The following RTN3 variants were observed in gnomAD, a reference collection of about 807,000 sequenced individuals.
The protein encoded by RTN3 is reticulon 3.
RTN3 carries 49 observed loss-of-function variants against 77.8 expected under a neutral mutation model. The ratio of observed to expected loss-of-function variants is 0.63; its 90% confidence interval spans 0.50 to 0.80. The LOEUF (loss-of-function observed/expected upper bound fraction) is 0.80. Ranked by LOEUF, RTN3 falls within the 30% of genes least tolerant of loss-of-function variation. The pLI is 0.00. For synonymous variants in RTN3, 464 were observed against 446.9 expected (o/e 1.04, Z -0.48); for missense variants, 1,236 against 1,211.9 (o/e 1.02, Z -0.29).
intron 3 of RTN3, among the ~76,000 whole-genome samples, chr11:63,721,888 G>C (rs1041489383): frequency 1.3e-5 from 2 of 152,178 alleles, no homozygotes; most frequent in Admixed American, 1.3e-4. Context: ...TAGGTAACCA[G>C]TATTGTAGTA....
At chr11:63,752,958 C>T (rs2014182308) in intron 5 of RTN3, 111 bp from the exon 6 acceptor site, 2 of 1,048,164 alleles carry the variant, frequency 1.9e-6, no homozygotes, top group Non-Finnish European at 2.9e-6. Flanking sequence ...TTGTCCATGT[C>T]ACACATCACT....
rs556436415 is a variant in RTN3, at chr11:63,747,732, A to G, written c.2531-2259A>G. Among the ~76,000 whole-genome samples the G allele has an allele frequency of 1.3e-5, 2 of 152,336 alleles. 1 individual carries two copies. Among genetic ancestry groups the G allele is most frequent in the South Asian group, 4.1e-4 (2 of 4,826 alleles). Reference sequence around the variant, plus strand: ...AATCACACCCAGTTCATTTTATCGCAAATAAGTCTTTTCCGCTAACCTTAT... The same window carrying G: ...AATCACACCCAGTTCATTTTATCGCGAATAAGTCTTTTCCGCTAACCTTAT... On this transcript the variant is annotated intron_variant, in intron 3 of 8. Coordinates refer to ENST00000377819, the MANE Select transcript of RTN3 (RefSeq NM_001265589.2).
Position 63,724,443 on chromosome 11 carries a change from A to G in RTN3, c.2530+3411A>G, listed in dbSNP as rs2012074550. 2.0e-5 allele frequency among the ~76,000 whole-genome samples: 3 copies of G among 147,446 alleles called. No homozygotes were observed. In the Admixed American group the frequency reaches 2.1e-4, roughly 10 times the overall value. On this transcript the variant is annotated intron_variant, in intron 3 of 8. Coordinates refer to ENST00000377819, the MANE Select transcript of RTN3 (RefSeq NM_001265589.2). ...GGTGATCTGCCCACCTCGGCCTCCCAAAGTGCTGGGATTACAGGCGTGAGC... is the reference window on the plus strand; with the variant it reads ...GGTGATCTGCCCACCTCGGCCTCCCGAAGTGCTGGGATTACAGGCGTGAGC...
intron 3 of RTN3, among the ~76,000 whole-genome samples, chr11:63,729,374 T>G (rs1416580549): frequency 6.6e-6 from 1 of 151,794 alleles, no homozygotes; most frequent in African/African-American, 2.4e-5. Flanking sequence ...GATGTTTATT[T>G]CTTAGGACAA....
At chr11:63,703,056 G>C (rs1942323696) in intron 1 of RTN3, among the ~76,000 whole-genome samples, 1 of 151,898 alleles carries the variant, frequency 6.6e-6, no homozygotes, top group Non-Finnish European at 1.5e-5. Flanking sequence ...CCTTATCTCA[G>C]GTTCTACATC....
At chr11:63,682,035 C>G (rs1018287758) in intron 1 of RTN3, among the ~76,000 whole-genome samples, 9 of 152,188 alleles carry the variant, frequency 5.9e-5, no homozygotes, top group African/African-American at 2.2e-4. Flanking sequence ...AACGCCAAGA[C>G]TGGGCAGGTG....
At chr11:63,757,042 CA>C (rs1356137053) in intron 8 of RTN3, among the ~76,000 whole-genome samples, 15 of 150,362 alleles carry the variant, frequency 1.0e-4, no homozygotes, top group Admixed American at 8.6e-4. Flanking sequence ...GACTCCGTCT[CA>C]AAAAAAAACC....
At chr11:63,743,787 G>A (rs1008342312) in intron 3 of RTN3, among the ~76,000 whole-genome samples, 5 of 151,792 alleles carry the variant, frequency 3.3e-5, no homozygotes, top group African/African-American at 9.7e-5. Context: ...GTGGTGGTGC[G>A]CGCTTGTAAT....
At position 63,750,043 on chromosome 11, in the gene RTN3, C is replaced by T. The variant is rs757766946; in HGVS notation, c.2583C>T (p.Gly861=). The T allele has an allele frequency of 1.2e-6, 2 of 1,613,874 alleles. No individual in the cohort carries two copies. The highest frequency in any genetic ancestry group is 2.2e-5 in the South Asian group (2 of 91,070). ...TGAAGAAGACTGGGTTTGTCTTTGGCACCACGCTGATCATGCTGCTTTCCC... is the reference window on the plus strand; with the variant it reads ...TGAAGAAGACTGGGTTTGTCTTTGGTACCACGCTGATCATGCTGCTTTCCC... The part of the protein sequence containing the change: ...RDVKKTGFVF[G]TTLIMLLSLA... The change falls in exon 4 of 9, where the codon GGC becomes GGT. Residue 861 remains glycine (G), a synonymous_variant. Transcript: ENST00000377819.
At chr11:63,714,043 C>T (rs1335316724) in intron 2 of RTN3, 1 of 518,434 alleles carries the variant, frequency 1.9e-6, no homozygotes, top group Non-Finnish European at 3.9e-6. Flanking sequence ...CTTATCGGAG[C>T]TGTTCTAAAA....
intron 3 of RTN3, among the ~76,000 whole-genome samples, chr11:63,749,427 T>C (rs909874672): frequency 2.6e-5 from 4 of 152,184 alleles, no homozygotes; most frequent in Non-Finnish European, 5.9e-5. Context: ...TTTACCACTT[T>C]CTTTGCCCCT....
At chr11:63,685,367 G>A (rs984098006) in intron 1 of RTN3, among the ~76,000 whole-genome samples, 7 of 151,378 alleles carry the variant, frequency 4.6e-5, no homozygotes, top group African/African-American at 1.5e-4. Context: ...ACAGTGACGG[G>A]CACCTGTAGT....
intron 2 of RTN3, among the ~76,000 whole-genome samples, chr11:63,717,574 GA>G (rs2011485441): frequency 6.6e-6 from 1 of 151,540 alleles, no homozygotes; most frequent in African/African-American, 2.4e-5. Flanking sequence ...ATCTTTAGTA[GA>G]GATGAGGTTT....
chr11:63,682,659 G>A (rs2134589234), intron 1 of RTN3, among the ~76,000 whole-genome samples: 1 of 151,862 alleles, frequency 6.6e-6, no homozygotes, highest in East Asian at 1.9e-4. Context: ...AAGGGGGAGG[G>A]GGAGAACATT....
chr11:63,702,284 GT>G (rs1942274168), intron 1 of RTN3, among the ~76,000 whole-genome samples: 1 of 149,102 alleles, frequency 6.7e-6, no homozygotes, highest in African/African-American at 2.5e-5. Context: ...GTTTTTTTGT[GT>G]TTTTGGTTTT....
intron 1 of RTN3, among the ~76,000 whole-genome samples, chr11:63,688,671 G>T (rs1488880307): frequency 6.6e-6 from 1 of 152,086 alleles, no homozygotes; most frequent in African/African-American, 2.4e-5. Flanking sequence ...TCATTAAGTG[G>T]CTGGTAAGAA....
intron 4 of RTN3, among the ~76,000 whole-genome samples, chr11:63,750,948 G>A (rs1478342353): frequency 6.6e-6 from 1 of 151,818 alleles, no homozygotes; most frequent in Admixed American, 6.6e-5. Flanking sequence ...TCGGCAGGAT[G>A]GTCTCGAACT....
chr11:63,696,886 T>C (rs1221404560), intron 1 of RTN3, among the ~76,000 whole-genome samples: 3 of 121,196 alleles, frequency 2.5e-5, no homozygotes, highest in Non-Finnish European at 5.2e-5. Context: ...TCTTTCTTTT[T>C]TTTTTTTTTT....
At chr11:63,727,822 AAGTG>A (rs1233227744) in intron 3 of RTN3, among the ~76,000 whole-genome samples, 8 of 152,178 alleles carry the variant, frequency 5.3e-5, no homozygotes, top group Admixed American at 3.3e-4. Context: ...CAGGAGAGGA[AAGTG>A]AGAGAGAGAC....
Sources: gnomAD v4.1 joint callset for allele counts (sites outside exome capture counted in the v4.1 genomes callset) on GRCh38, gnomAD v4.1.1 for gene constraint, MANE v1.5 for transcripts, NCBI Gene and HGNC (gene_info 2026-07-23, HGNC 2026-07-21) for gene names.